The following HMGCLL1 variants were observed in gnomAD, a reference collection of about 807,000 sequenced individuals.
The protein encoded by HMGCLL1 is 3-hydroxy-3-methylglutaryl-CoA lyase like 1.
Under a neutral mutation model 39.1 loss-of-function variants are expected in HMGCLL1, and 36 were observed. The ratio of observed to expected loss-of-function variants is 0.92; its 90% CI spans 0.71 to 1.22. The LOEUF (loss-of-function observed/expected upper bound fraction) is 1.22. HMGCLL1 is among the 50% of genes most tolerant of loss of function. HMGCLL1 has a pLI of 0.00. For synonymous variants in HMGCLL1, 149 were observed against 144.0 expected, an observed-to-expected ratio of 1.03 and a Z score of -0.25; for missense variants, 451 against 416.5, an observed-to-expected ratio of 1.08 and a Z score of -0.72.
the HMGCLL1 span, among the ~76,000 whole-genome samples, chr6:55,655,664 C>A: frequency 6.6e-6 from 1 of 151,810 alleles, no homozygotes; most frequent in Non-Finnish European, 1.5e-5. Context: ...ACTTAATTAC[C>A]CCATTTGTTC....
intron 4 of HMGCLL1, among the ~76,000 whole-genome samples, chr6:55,515,268 A>G (rs968449866): frequency 6.1e-4 from 90 of 148,318 alleles, no homozygotes; most frequent in Non-Finnish European, 1.5e-5. Flanking sequence ...AAAAAAAAAA[A>G]TACATGGGGG....
intron 7 of HMGCLL1, among the ~76,000 whole-genome samples, chr6:55,485,265 T>C (rs1765962876): frequency 6.6e-6 from 1 of 152,104 alleles, no homozygotes; most frequent in Non-Finnish European, 1.5e-5. Context: ...ATAGCTTTTA[T>C]CGCCAATTAA....
At chr6:55,613,131 A>G in the HMGCLL1 span, among the ~76,000 whole-genome samples, 11 of 152,290 alleles carry the variant, frequency 7.2e-5, no homozygotes, top group Non-Finnish European at 4.4e-5. Context: ...AAAAGTGGGC[A>G]AAGGACATGA....
intron 1 of HMGCLL1, among the ~76,000 whole-genome samples, chr6:55,551,891 G>A (rs1253822723): frequency 6.6e-6 from 1 of 151,982 alleles, no homozygotes; most frequent in Non-Finnish European, 1.5e-5. Flanking sequence ...GCTTGGGACA[G>A]ACAACAGCAG....
chr6:55,556,913 C>T (rs545858997), intron 1 of HMGCLL1, among the ~76,000 whole-genome samples: 3 of 152,188 alleles, frequency 2.0e-5, no homozygotes, highest in Middle Eastern at 3.4e-3. Flanking sequence ...ATGTAAAATG[C>T]ATAGAAAGTC....
intron 7 of HMGCLL1, among the ~76,000 whole-genome samples, chr6:55,446,454 A>G (rs1763844423): frequency 6.6e-6 from 1 of 151,836 alleles, no homozygotes; most frequent in East Asian, 1.9e-4. Context: ...AACCTGGTGA[A>G]TTCAGTTATG....
chr6:55,523,457 A>G (rs1768142415), intron 3 of HMGCLL1, among the ~76,000 whole-genome samples: 1 of 152,130 alleles, frequency 6.6e-6, no homozygotes, highest in Middle Eastern at 3.4e-3. Flanking sequence ...TGTGATGTAT[A>G]CAGCGGTTCT....
At chr6:55,460,161 T>C (rs1764495098) in intron 7 of HMGCLL1, among the ~76,000 whole-genome samples, 1 of 151,972 alleles carries the variant, frequency 6.6e-6, no homozygotes, top group Non-Finnish European at 1.5e-5. Context: ...CTGTAATATA[T>C]AGCTGTGTTT....
the HMGCLL1 span, among the ~76,000 whole-genome samples, chr6:55,602,875 G>A: frequency 7.9e-5 from 12 of 151,978 alleles, no homozygotes; most frequent in Non-Finnish European, 1.6e-4. Flanking sequence ...TTGTTTAAAG[G>A]CATGTAATTT....
At chr6:55,499,171 G>GCC in intron 6 of HMGCLL1, 65 bp downstream of exon 6, 1 of 1,252,548 alleles carries the variant, frequency 8.0e-7, no homozygotes, top group East Asian at 2.3e-5. Context: ...TATTAAGAAA[G>GCC]CCCCCTTTTA....
At chr6:55,487,617 G>C (rs1766099240) in intron 7 of HMGCLL1, among the ~76,000 whole-genome samples, 1 of 151,922 alleles carries the variant, frequency 6.6e-6, no homozygotes, top group African/African-American at 2.4e-5. Flanking sequence ...CCCTGCAAAG[G>C]ACATGAACTC....
chr6:55,620,959 C>T, the HMGCLL1 span, among the ~76,000 whole-genome samples: 2 of 151,720 alleles, frequency 1.3e-5, no homozygotes, highest in African/African-American at 4.8e-5. Context: ...CTCTGTGTTC[C>T]ATGTGCTTTT....
At chr6:55,627,312 C>T in the HMGCLL1 span, among the ~76,000 whole-genome samples, 1 of 151,926 alleles carries the variant, frequency 6.6e-6, no homozygotes, top group African/African-American at 2.4e-5. Context: ...GATTTATTGA[C>T]TTCTTGTCAG....
At chr6:55,539,345 A>AAATAT (rs1161568913) in intron 3 of HMGCLL1, among the ~76,000 whole-genome samples, 8 of 152,178 alleles carry the variant, frequency 5.3e-5, no homozygotes, top group Non-Finnish European at 1.2e-4. Context: ...CTGGGTATAT[A>AAATAT]ACCAAAGGAA....
At chr6:55,546,781 C>T (rs1009118518) in intron 1 of HMGCLL1, among the ~76,000 whole-genome samples, 11 of 152,124 alleles carry the variant, frequency 7.2e-5, no homozygotes, top group Middle Eastern at 6.8e-3. Flanking sequence ...ATTTTTATAG[C>T]ATTTAATGTC....
At chr6:55,611,247 A>G in the HMGCLL1 span, among the ~76,000 whole-genome samples, 4 of 152,208 alleles carry the variant, frequency 2.6e-5, no homozygotes, top group Non-Finnish European at 1.5e-5. Flanking sequence ...AATCTCTGGA[A>G]TGCAGTTAGA....
chr6:55,524,133 T>C (rs1768185312), intron 3 of HMGCLL1, among the ~76,000 whole-genome samples: 1 of 151,788 alleles, frequency 6.6e-6, no homozygotes, highest in South Asian at 2.1e-4. Flanking sequence ...AACTGAAAGA[T>C]TTTTCTAACC....
chr6:55,624,325 C>T, the HMGCLL1 span, among the ~76,000 whole-genome samples: 1 of 152,160 alleles, frequency 6.6e-6, no homozygotes, highest in Non-Finnish European at 1.5e-5. Context: ...ATTGCAGCTG[C>T]TGTACTAGAT....
the HMGCLL1 span, among the ~76,000 whole-genome samples, chr6:55,612,763 A>C: frequency 2.0e-5 from 3 of 152,210 alleles, no homozygotes; most frequent in African/African-American, 7.2e-5. Flanking sequence ...GAAAACTGAA[A>C]AGGGACCCCT....
Sources: gnomAD v4.1 joint callset for allele counts (sites outside exome capture counted in the v4.1 genomes callset) on GRCh38, gnomAD v4.1.1 for gene constraint, MANE v1.5 for transcripts, NCBI Gene and HGNC (gene_info 2026-07-23, HGNC 2026-07-21) for gene names.